The following SPRED1 variants were observed in gnomAD, a reference collection of about 807,000 sequenced individuals.
SPRED1 encodes sprouty related EVH1 domain containing 1.
SPRED1 carries 18 observed loss-of-function variants against 52.3 expected under a neutral mutation model. The observed-to-expected ratio is 0.34, with a 90% confidence interval of 0.24 to 0.51. The LOEUF is 0.51. SPRED1 is among the 20% of genes least tolerant of loss of function. The probability of loss-of-function intolerance (pLI) is 0.97; values close to 1 mark genes in which losing one functional copy is unlikely to be tolerated. For missense variants in SPRED1, 485 were observed against 551.0 expected, an observed-to-expected ratio of 0.88 and a Z score of 1.20; for synonymous variants, 155 against 179.7, an observed-to-expected ratio of 0.86 and a Z score of 1.10.
intron 4 of SPRED1, among the ~76,000 whole-genome samples, chr15:38,336,054 TATG>T (rs1595754231): frequency 6.6e-6 from 1 of 152,090 alleles, no homozygotes; most frequent in East Asian, 1.9e-4. Context: ...TTTTTATGGC[TATG>T]ATAATACTGT....
rs1352699897 is a variant in SPRED1 at position 38,354,271 on chromosome 15, G to C, written c.*2607G>C. Reference sequence around the variant, plus strand: ...GGAACATTTTCTCATTCTCTGTACAGATTCGGCACTGCCAATTGGCTTTTC... The same window carrying C: ...GGAACATTTTCTCATTCTCTGTACACATTCGGCACTGCCAATTGGCTTTTC... On this transcript the variant is annotated 3_prime_UTR_variant, in exon 7 of 7. Coordinates refer to ENST00000299084, the MANE Select transcript of SPRED1 (RefSeq NM_152594.3). 6.6e-6 allele frequency: 1 copy of C among 152,190 alleles called. No homozygotes were observed. Among genetic ancestry groups the C allele is most frequent in the Admixed American group, 6.5e-5 (1 of 15,272 alleles). 9.4% of individuals were successfully genotyped at this position (152,190 alleles called of 1,614,324 possible).
chr15:38,298,254 T>C (rs930444906), intron 1 of SPRED1, among the ~76,000 whole-genome samples: 3 of 152,168 alleles, frequency 2.0e-5, no homozygotes, highest in African/African-American at 7.2e-5. Context: ...CATACATTAT[T>C]GATGGGAATG....
intron 2 of SPRED1, among the ~76,000 whole-genome samples, chr15:38,314,933 G>A (rs963142572): frequency 6.6e-6 from 1 of 151,626 alleles, no homozygotes; most frequent in Non-Finnish European, 1.5e-5. Context: ...TGCCATTGCT[G>A]TTTCTGTTAC....
chr15:38,353,791 A>C lies in SPRED1; in HGVS notation c.*2127A>C, dbSNP rs1467070799. The C allele has an allele frequency of 6.6e-6, 1 of 152,612 alleles. No homozygotes were observed. The highest frequency in any genetic ancestry group is 1.5e-5 in the Non-Finnish European group (1 of 67,984). 9.5% of individuals were successfully genotyped at this position (152,612 alleles called of 1,614,324 possible). A position where few individuals can be genotyped will look rare whatever the true frequency, so the allele number is the denominator to read the frequency against. ...AATAACTTGCTGGCTATATAGGAAA[A>C]TGCTGTGGAAATGAACTGTGTATAT... is the stretch of plus-strand genomic sequence containing the variant. On this transcript the variant is annotated 3_prime_UTR_variant, in exon 7 of 7. Coordinates refer to ENST00000299084, the MANE Select transcript of SPRED1 (RefSeq NM_152594.3).
At chr15:38,298,806 C>A (rs1347181173) in intron 1 of SPRED1, among the ~76,000 whole-genome samples, 1 of 152,142 alleles carries the variant, frequency 6.6e-6, no homozygotes, top group African/African-American at 2.4e-5. Flanking sequence ...GTTAAGTAAT[C>A]TAAGCATAAC....
Position 38,290,105 on chromosome 15 carries a change from A to T in SPRED1, c.33-9268A>T, listed in dbSNP as rs183519508. On this transcript the variant is annotated intron_variant, in intron 1 of 6. Coordinates refer to ENST00000299084, the MANE Select transcript of SPRED1 (RefSeq NM_152594.3). ...CTATAGGATGATTTTAAAGTTTTTC[A>T]TATTTTACTCTAATGCTTTTATCTC... Among the ~76,000 whole-genome samples, 1,267 of 152,268 alleles carry T rather than the reference A, an allele frequency of 8.3e-3. 16 individuals are homozygous for T. The highest frequency in any genetic ancestry group is 0.029 in the African/African-American group (1,194 of 41,544).
intron 4 of SPRED1, among the ~76,000 whole-genome samples, chr15:38,334,866 A>G (rs1478202245): frequency 7.0e-6 from 1 of 143,344 alleles, no homozygotes; most frequent in East Asian, 2.1e-4. Context: ...CTCTCAAAGT[A>G]GAAATGCTGG....
rs114764534 is a variant in SPRED1 at position 38,253,341 on chromosome 15, C to G, written c.32+124C>G. 5.0e-4 allele frequency: 427 copies of G among 860,292 alleles called. No homozygotes were observed. In the African/African-American group the frequency reaches 6.4e-3, roughly 13 times the overall value. 53.3% of individuals were successfully genotyped at this position (860,292 alleles called of 1,614,324 possible). A position where few individuals can be genotyped will look rare whatever the true frequency, so the allele number is the denominator to read the frequency against. On this transcript the variant is annotated intron_variant, in intron 1 of 6. Coordinates refer to ENST00000299084, the MANE Select transcript of SPRED1 (RefSeq NM_152594.3). Reference sequence around the variant, plus strand: ...GACCCTGGAGAGTTCGGTGCATCTTCTGGAGATAGCTGATTTCTTTAGCCA... The same window carrying G: ...GACCCTGGAGAGTTCGGTGCATCTTGTGGAGATAGCTGATTTCTTTAGCCA...
chr15:38,279,000 G>T (rs1037458867), intron 1 of SPRED1, among the ~76,000 whole-genome samples: 2 of 151,906 alleles, frequency 1.3e-5, no homozygotes, highest in African/African-American at 4.8e-5. Context: ...GCTAATTTTT[G>T]TATTTTTACT....
chr15:38,324,308 A>G (rs1364487171), intron 3 of SPRED1, among the ~76,000 whole-genome samples: 1 of 152,240 alleles, frequency 6.6e-6, no homozygotes, highest in Non-Finnish European at 1.5e-5. Context: ...TTAACTGTCA[A>G]TAGTGGATTA....
In SPRED1 at chr15:38,351,551, G is replaced by A; in HGVS notation, c.1222G>A (p.Val408Ile). ...GTTCTGCTTGCGATGGTTAGCCCTG[G>A]TAGCTTTGTCTTTCATTGTACCATG... is the stretch of plus-strand genomic sequence containing the variant. Reference protein sequence around the residue: ...DKFCLRWLALVALSFIVPCMC... With the variant: ...DKFCLRWLALIALSFIVPCMC... The change falls in exon 7 of 7, where the codon GTA becomes ATA. Residue 408 changes from valine (V) to isoleucine (I), a missense_variant. Around this residue, in one of 5 missense-constraint regions of SPRED1, gnomAD observed 205 missense variants for 245.2 expected, o/e 0.84. Transcript: ENST00000299084. 2 of 1,614,128 alleles carry A rather than the reference G, an allele frequency of 1.2e-6. No individual in the cohort carries two copies. Among genetic ancestry groups the A allele is most frequent in the Non-Finnish European group, 1.7e-6 (2 of 1,180,012 alleles).
At chr15:38,346,686 A>G (rs534963636) in intron 5 of SPRED1, among the ~76,000 whole-genome samples, 1 of 152,160 alleles carries the variant, frequency 6.6e-6, no homozygotes, top group East Asian at 1.9e-4. Flanking sequence ...TCAGGTTTTT[A>G]TTGTTACAGG....
At chr15:38,349,572 G>GTTAA (rs61670754) in intron 6 of SPRED1, 49 bp downstream of exon 6, 20 of 1,246,004 alleles carry the variant, frequency 1.6e-5, no homozygotes, top group Middle Eastern at 1.9e-4. Flanking sequence ...CTAATTAATA[G>GTTAA]ATAGGTAAAG....
rs901077835 is a variant in SPRED1, at chr15:38,337,199, T to C, written c.424-2538T>C. On this transcript the variant is annotated intron_variant, in intron 4 of 6. Transcript: ENST00000299084. ...GCAATGAGTATGCCTGTTTTCCTTA[T>C]CACCACTTTTTAAAAAACCTGTAAA... Among the ~76,000 whole-genome samples the C allele has an allele frequency of 1.2e-4, 18 of 152,342 alleles. No homozygotes were observed. In the East Asian group the frequency reaches 1.9e-3, roughly 16 times the overall value.
chr15:38,261,660 G>A (rs1265504848), intron 1 of SPRED1, among the ~76,000 whole-genome samples: 1 of 152,050 alleles, frequency 6.6e-6, no homozygotes, highest in South Asian at 2.1e-4. Flanking sequence ...TGCAAGCTCC[G>A]CCTCCTGGGT....
chr15:38,298,901 G>A (rs1895094549), intron 1 of SPRED1, among the ~76,000 whole-genome samples: 1 of 152,128 alleles, frequency 6.6e-6, no homozygotes. Context: ...AAGCATGTTT[G>A]TTTCAGCATT....
chr15:38,320,819 A>T (rs543362360), intron 2 of SPRED1, among the ~76,000 whole-genome samples: 1 of 152,308 alleles, frequency 6.6e-6, no homozygotes, highest in African/African-American at 2.4e-5. Flanking sequence ...TCACTAATAT[A>T]TCCACTTTTG....
At chr15:38,303,430 T>G (rs924067591) in intron 2 of SPRED1, among the ~76,000 whole-genome samples, 2 of 152,198 alleles carry the variant, frequency 1.3e-5, no homozygotes, top group Admixed American at 1.3e-4. Context: ...AGGACACTTC[T>G]GTCTTACAAA....
At chr15:38,313,176 T>C (rs1895404216) in intron 2 of SPRED1, among the ~76,000 whole-genome samples, 1 of 152,066 alleles carries the variant, frequency 6.6e-6, no homozygotes. Flanking sequence ...TTTAGGAAAT[T>C]AACATAAATA....
Sources: allele counts gnomAD v4.1 joint callset (sites outside exome capture counted in the v4.1 genomes callset), GRCh38; gene constraint gnomAD v4.1.1; regional missense constraint gnomAD v4.1.1; transcripts MANE v1.5; gene names NCBI Gene and HGNC (gene_info 2026-07-23, HGNC 2026-07-21).